The following TFDP2 variants were observed in gnomAD, a reference collection of about 807,000 sequenced individuals.
The protein encoded by TFDP2 is transcription factor Dp-2 (E2F dimerization partner 2).
Under a neutral mutation model 59.3 loss-of-function variants are expected in TFDP2, and 17 were observed. That is an observed-to-expected ratio of 0.29 (90% CI 0.20 to 0.43). The LOEUF (loss-of-function observed/expected upper bound fraction) is 0.43, where lower values mean the gene tolerates loss of function less well. Among genes scored for constraint, TFDP2 ranks in the 20% least tolerant of loss-of-function variants. The pLI is 1.00. For missense variants in TFDP2, 391 were observed against 528.8 expected, an observed-to-expected ratio of 0.74 and a Z score of 2.56; for synonymous variants, 180 against 194.7, an observed-to-expected ratio of 0.92 and a Z score of 0.63.
chr3:141,954,861 A>G (rs1463871015), intron 11 of TFDP2, among the ~76,000 whole-genome samples: 2 of 152,184 alleles, frequency 1.3e-5, no homozygotes, highest in East Asian at 3.8e-4. Context: ...TATGATTTAG[A>G]TTGGAAACTC....
At chr3:142,081,279 G>T (rs1404384915) in intron 3 of TFDP2, among the ~76,000 whole-genome samples, 24 of 152,064 alleles carry the variant, frequency 1.6e-4, no homozygotes, top group Non-Finnish European at 2.5e-4. Flanking sequence ...AAATGTACTT[G>T]AAACAAATGA....
rs538442296 is a variant in TFDP2, at chr3:142,124,651, G to A, written c.-92-22810C>T. Among the ~76,000 whole-genome samples the A allele has an allele frequency of 1.2e-3, 186 of 152,204 alleles. 1 individual carries two copies. Among genetic ancestry groups the A allele is most frequent in the Non-Finnish European group, 2.3e-3 (156 of 68,000 alleles). ...ATTTTTTAATTTTCTGAGTGTGGAA[G>A]ATCTTTCTAAATATGAAACCAAGCC... On this transcript the variant is annotated intron_variant, in intron 1 of 12. Coordinates refer to ENST00000489671, the MANE Select transcript of TFDP2 (RefSeq NM_001178139.2).
In TFDP2 at chr3:142,121,289, A is replaced by G. The variant is rs1219240177; in HGVS notation, c.-92-19448T>C. On this transcript the variant is annotated intron_variant, in intron 1 of 12. Coordinates refer to ENST00000489671, the MANE Select transcript of TFDP2 (RefSeq NM_001178139.2). The surrounding 1 kb of genome is among the most constrained non-coding windows in gnomAD (Gnocchi z 4.3). Reference sequence around the variant, plus strand: ...GTGCTCTACCCAAGAGACATAACGGAGTCCCACCCTTCAAGAAGTTCACAA... The same window carrying G: ...GTGCTCTACCCAAGAGACATAACGGGGTCCCACCCTTCAAGAAGTTCACAA... 6.6e-6 allele frequency among the ~76,000 whole-genome samples: 1 copy of G among 152,184 alleles called. No homozygotes were observed. The highest frequency in any genetic ancestry group is 1.5e-5 in the Non-Finnish European group (1 of 68,036).
intron 11 of TFDP2, among the ~76,000 whole-genome samples, chr3:141,953,800 T>C (rs1936221371): frequency 9.2e-6 from 1 of 109,128 alleles, no homozygotes; most frequent in Non-Finnish European, 1.7e-5. Flanking sequence ...ACCCCACAAC[T>C]AGCTCTTATT....
intron 1 of TFDP2, among the ~76,000 whole-genome samples, chr3:142,109,503 T>C (rs1449043477): frequency 6.6e-6 from 1 of 152,050 alleles, no homozygotes; most frequent in Non-Finnish European, 1.5e-5. Context: ...TAATTTTGTA[T>C]TTTTAGTAGA....
At chr3:141,969,384 G>T (rs1057327500) in intron 9 of TFDP2, among the ~76,000 whole-genome samples, 1 of 149,552 alleles carries the variant, frequency 6.7e-6, no homozygotes, top group Non-Finnish European at 1.5e-5. Context: ...AGGCTGAGGC[G>T]GGTGGATCAC....
intron 3 of TFDP2, among the ~76,000 whole-genome samples, chr3:142,013,864 A>G (rs962384977): frequency 6.6e-6 from 1 of 151,926 alleles, no homozygotes; most frequent in African/African-American, 2.4e-5. Context: ...ATCCAGTTAC[A>G]TAATTGTGGT....
chr3:141,953,039 A>C lies in TFDP2; in HGVS notation c.1052-23T>G, dbSNP rs776603610. 3 of 1,573,592 alleles carry C rather than the reference A, an allele frequency of 1.9e-6. No homozygotes were observed. In the African/African-American group the frequency reaches 4.1e-5, roughly 21 times the overall value. Reference sequence around the variant, plus strand: ...TATCTAAAGGAAAAAATGAGAACAAAAAATGTCGGTCCTGCAAGTTCTGTG... The same window carrying C: ...TATCTAAAGGAAAAAATGAGAACAACAAATGTCGGTCCTGCAAGTTCTGTG... On this transcript the variant is annotated intron_variant, in intron 11 of 12. Transcript: ENST00000489671.
intron 3 of TFDP2, among the ~76,000 whole-genome samples, chr3:142,024,270 A>C (rs1945892276): frequency 6.6e-6 from 1 of 152,254 alleles, no homozygotes. Context: ...GATAGTCTCC[A>C]GCTTTAGAGT....
chr3:141,982,526 T>A (rs1941602852), intron 6 of TFDP2, among the ~76,000 whole-genome samples: 3 of 152,162 alleles, frequency 2.0e-5, no homozygotes, highest in Non-Finnish European at 4.4e-5. Flanking sequence ...GCCAGCCAGT[T>A]ACATACTTTT....
chr3:141,988,647 G>A (rs1942399042), intron 6 of TFDP2, among the ~76,000 whole-genome samples: 1 of 145,062 alleles, frequency 6.9e-6, no homozygotes. Context: ...TTGAAGAACT[G>A]TTTTTAGCAA....
At chr3:142,075,855 T>C (rs2060431235) in intron 3 of TFDP2, among the ~76,000 whole-genome samples, 1 of 144,378 alleles carries the variant, frequency 6.9e-6, no homozygotes, top group Non-Finnish European at 1.5e-5. Context: ...TGCAATGAGA[T>C]GTGATCATGT....
rs2062036984 is a variant in TFDP2 at position 142,121,325 on chromosome 3, A to G, written c.-92-19484T>C. 6.6e-6 allele frequency among the ~76,000 whole-genome samples: 1 copy of G among 152,226 alleles called. No individual in the cohort carries two copies. On this transcript the variant is annotated intron_variant, in intron 1 of 12. Transcript: ENST00000489671. This position sits in a 1 kb window ranked among gnomAD's most constrained non-coding sequence, Gnocchi z 4.3. ...TCAAGAAGTTCACAAACAAATGAGC[A>G]AGACAAATGCATACAGTATAACATG...
chr3:142,099,816 G>C (rs2061269227), intron 2 of TFDP2, among the ~76,000 whole-genome samples: 1 of 151,934 alleles, frequency 6.6e-6, no homozygotes. Context: ...GAAGTTTTTA[G>C]GTTTCTCAAC....
chr3:142,035,579 G>A (rs114915879), intron 3 of TFDP2, among the ~76,000 whole-genome samples: 2 of 152,330 alleles, frequency 1.3e-5, no homozygotes, highest in Non-Finnish European at 2.9e-5. Flanking sequence ...CTAGCAAGTG[G>A]TAAAACTGAG....
At chr3:142,078,620 A>T (rs904608564) in intron 3 of TFDP2, among the ~76,000 whole-genome samples, 2 of 152,162 alleles carry the variant, frequency 1.3e-5, no homozygotes, top group African/African-American at 4.8e-5. Flanking sequence ...ATGACTAAAA[A>T]CTTGAATCAC....
chr3:142,015,508 T>C (rs1340456271), intron 3 of TFDP2, among the ~76,000 whole-genome samples: 1 of 152,182 alleles, frequency 6.6e-6, no homozygotes, highest in African/African-American at 2.4e-5. Flanking sequence ...TTCTCTGATA[T>C]CCCACATTCA....
chr3:142,019,653 C>CG (rs1025698774), intron 3 of TFDP2, among the ~76,000 whole-genome samples: 1 of 150,900 alleles, frequency 6.6e-6, no homozygotes, highest in South Asian at 2.1e-4. Flanking sequence ...AAACACCCCC[C>CG]CCAACATCTT....
rs1056730500 is a variant in TFDP2 at position 141,966,858 on chromosome 3, G to T, written c.733-2895C>A. ...GTGTCATGTGACATGAGTGAGTTGT[G>T]ACATGAGCTTATAAAAAAAAATCAA... On this transcript the variant is annotated intron_variant, in intron 9 of 12. Coordinates refer to ENST00000489671, the MANE Select transcript of TFDP2 (RefSeq NM_001178139.2). Among the ~76,000 whole-genome samples, 36 of 147,222 alleles carry T rather than the reference G, an allele frequency of 2.4e-4. 1 individual carries two copies. The East Asian group carries it at 4.0e-3, about 16-fold the overall frequency.
Sources: allele counts gnomAD v4.1 joint callset (sites outside exome capture counted in the v4.1 genomes callset), GRCh38; gene constraint gnomAD v4.1.1; non-coding constraint Gnocchi (gnomAD v3.1); transcripts MANE v1.5; gene names NCBI Gene and HGNC (gene_info 2026-07-23, HGNC 2026-07-21).